Variants in GALM observed in about 807,000 individuals in gnomAD.
GALM encodes the protein aldose 1-epimerase.
In GALM, 43 loss-of-function variants were observed where a neutral mutation model predicts 37.4. The observed-to-expected ratio is 1.15, with a 90% confidence interval of 0.90 to 1.48. The LOEUF is 1.48. Among genes scored for constraint, GALM ranks in the 40% most tolerant of loss-of-function variants. The pLI is 0.00. For synonymous variants in GALM, 199 were observed against 170.6 expected, an observed-to-expected ratio of 1.17 and a Z score of -1.30; for missense variants, 456 against 419.1, an observed-to-expected ratio of 1.09 and a Z score of -0.77.
chr2:38,679,272 C>T (rs909644986), intron 2 of GALM, among the ~76,000 whole-genome samples: 4 of 152,178 alleles, frequency 2.6e-5, no homozygotes, highest in Non-Finnish European at 5.9e-5. Flanking sequence ...CAAGTGTGAG[C>T]CACTGCACCC....
At chr2:38,704,015 CA>C (rs1164284196) in intron 4 of GALM, among the ~76,000 whole-genome samples, 2 of 148,912 alleles carry the variant, frequency 1.3e-5, no homozygotes, top group Admixed American at 6.7e-5. Flanking sequence ...AACGCTGTCT[CA>C]AAAAATAAAT....
chr2:38,699,440 AGTT>A (rs776793797), intron 4 of GALM, among the ~76,000 whole-genome samples: 5 of 152,186 alleles, frequency 3.3e-5, no homozygotes, highest in African/African-American at 7.2e-5. Context: ...ATATACAATA[AGTT>A]GTTGTTAATT....
At chr2:38,719,757 A>G (rs1666338884) in intron 4 of GALM, among the ~76,000 whole-genome samples, 1 of 145,722 alleles carries the variant, frequency 6.9e-6, no homozygotes, top group African/African-American at 2.5e-5. Context: ...CTGGTCGACA[A>G]GAACGAAATT....
chr2:38,671,088 G>C (rs199934694), intron 1 of GALM, among the ~76,000 whole-genome samples: 18 of 152,032 alleles, frequency 1.2e-4, no homozygotes, highest in Non-Finnish European at 4.4e-5. Context: ...AGGAAAGGGG[G>C]AAGCGTTTCC....
At chr2:38,683,000 C>T (rs890011432) in intron 3 of GALM, among the ~76,000 whole-genome samples, 15 of 151,468 alleles carry the variant, frequency 9.9e-5, no homozygotes, top group African/African-American at 3.6e-4. Context: ...CAGAAACAAA[C>T]GACAGAAATA....
chr2:38,691,579 G>C (rs548239107), intron 4 of GALM, among the ~76,000 whole-genome samples: 2 of 152,102 alleles, frequency 1.3e-5, no homozygotes, highest in East Asian at 3.9e-4. Context: ...AGCTACTCAA[G>C]AGGCTGAAGC....
At position 38,734,592 on chromosome 2, in the gene GALM, G is replaced by C. The variant is rs1342069077; in HGVS notation, c.*1027G>C. On this transcript the variant is annotated 3_prime_UTR_variant, in exon 7 of 7. Coordinates refer to ENST00000272252, the MANE Select transcript of GALM (RefSeq NM_138801.3). ...TTGCCTTTCACAGCACAGTGAGGAT[G>C]ACATTGCACCAGGGACAGAGATTGT... The C allele has an allele frequency of 2.0e-5, 3 of 150,800 alleles. No individual in the cohort carries two copies. Among genetic ancestry groups the C allele is most frequent in the Non-Finnish European group, 4.4e-5 (3 of 67,944 alleles). The allele number at this position is 150,800 out of a possible 1,614,324, so 9.3% of individuals were successfully genotyped here.
intron 2 of GALM, 103 bp downstream of exon 2, chr2:38,676,169 T>C (rs570421083): frequency 7.6e-6 from 9 of 1,190,640 alleles, no homozygotes; most frequent in African/African-American, 1.5e-5. Flanking sequence ...AGTGGTGAGA[T>C]GCAGGAAAGA....
chr2:38,691,723 A>G (rs151096969), intron 4 of GALM, among the ~76,000 whole-genome samples: 379 of 135,204 alleles, frequency 2.8e-3, no homozygotes, highest in Middle Eastern at 3.5e-3. Flanking sequence ...ATATTTCAGT[A>G]GTTTTTTTTT....
intron 5 of GALM, among the ~76,000 whole-genome samples, chr2:38,731,269 G>A (rs1044888335): frequency 4.6e-5 from 7 of 151,658 alleles, no homozygotes; most frequent in African/African-American, 1.2e-4. Context: ...ATGGTAGTGC[G>A]CACCTGCAGT....
rs528527203 is a variant in GALM, at chr2:38,666,116, T to C, written c.-46T>C. ...GGGTCGCCTCTAGCTTAGCGAGCGC[T>C]GGAGTTTGAAGAGCGGGCAGTGGCT... On this transcript the variant is annotated 5_prime_UTR_variant, in exon 1 of 7. Transcript: ENST00000272252. The C allele has an allele frequency of 1.3e-6, 2 of 1,552,130 alleles. No homozygotes were observed. Among genetic ancestry groups the C allele is most frequent in the South Asian group, 1.2e-5 (1 of 83,768 alleles).
chr2:38,698,104 C>G (rs929368861), intron 4 of GALM, among the ~76,000 whole-genome samples: 1 of 151,978 alleles, frequency 6.6e-6, no homozygotes, highest in Non-Finnish European at 1.5e-5. Context: ...CCACCACGGC[C>G]AGCTAATTTT....
intron 3 of GALM, among the ~76,000 whole-genome samples, chr2:38,683,606 G>A (rs190572255): frequency 6.6e-6 from 1 of 151,462 alleles, no homozygotes; most frequent in East Asian, 1.9e-4. Flanking sequence ...CACTCTTGTT[G>A]CCCAGGCTGG....
At chr2:38,679,282 C>T (rs980431550) in intron 2 of GALM, among the ~76,000 whole-genome samples, 3 of 152,088 alleles carry the variant, frequency 2.0e-5, no homozygotes, top group South Asian at 2.1e-4. Flanking sequence ...CCACTGCACC[C>T]GGCCACATGT....
chr2:38,685,385 A>G (rs1370865435), intron 3 of GALM, among the ~76,000 whole-genome samples: 1 of 152,208 alleles, frequency 6.6e-6, no homozygotes, highest in Non-Finnish European at 1.5e-5. Context: ...GTAGTAACCC[A>G]CAGTGTCTGT....
At chr2:38,680,021 A>G in intron 2 of GALM, 1 of 454,524 alleles carries the variant, frequency 2.2e-6, no homozygotes, top group South Asian at 1.6e-5. Flanking sequence ...TTATTTATTT[A>G]TTTACTTTTT....
At chr2:38,711,810 C>G (rs796193382) in intron 4 of GALM, among the ~76,000 whole-genome samples, 1 of 147,170 alleles carries the variant, frequency 6.8e-6, no homozygotes, top group Non-Finnish European at 1.5e-5. Flanking sequence ...CCATCACCAT[C>G]ATCATCATCA....
At chr2:38,689,750 T>A (rs907436484) in intron 3 of GALM, 63 bp from the exon 4 acceptor site, 3 of 994,902 alleles carry the variant, frequency 3.0e-6, no homozygotes, top group Non-Finnish European at 4.6e-6. Context: ...GCAAGATAAG[T>A]TAAAAAACAA....
chr2:38,670,134 G>A lies in GALM; in HGVS notation c.190+3783G>A, dbSNP rs1486229961. ...CTACCTCAGCCTCCTAAAGTGCTGGGATTACAGGTGTGAGCCACCACGCCC... is the reference window on the plus strand; with the variant it reads ...CTACCTCAGCCTCCTAAAGTGCTGGAATTACAGGTGTGAGCCACCACGCCC... On this transcript the variant is annotated intron_variant, in intron 1 of 6. Transcript: ENST00000272252. Among the ~76,000 whole-genome samples the A allele has an allele frequency of 2.6e-5, 4 of 151,822 alleles. No homozygotes were observed. The East Asian group carries it at 7.9e-4, about 30-fold the overall frequency.
Sources: gnomAD v4.1 joint callset for allele counts (sites outside exome capture counted in the v4.1 genomes callset) on GRCh38, gnomAD v4.1.1 for gene constraint, MANE v1.5 for transcripts, NCBI Gene and HGNC (gene_info 2026-07-23, HGNC 2026-07-21) for gene names.